The following RMND1 variants were observed in gnomAD, a reference collection of about 807,000 sequenced individuals.
The protein encoded by RMND1 is required for meiotic nuclear division 1 homolog.
RMND1 carries 41 observed loss-of-function variants against 54.0 expected under a neutral mutation model. That is an observed-to-expected ratio of 0.76 (90% CI 0.59 to 0.98). The LOEUF is 0.98. Among genes scored for constraint, RMND1 ranks in the 50% least tolerant of loss-of-function variants. The pLI, the probability that RMND1 is intolerant of heterozygous loss-of-function variation, is 0.00. For missense variants in RMND1, 457 were observed against 532.0 expected (o/e 0.86, Z 1.39); for synonymous variants, 183 against 181.7 (o/e 1.01, Z -0.06).
intron 1 of RMND1, among the ~76,000 whole-genome samples, chr6:151,450,578 G>T (rs1162349231): frequency 2.2e-5 from 3 of 138,748 alleles, no homozygotes; most frequent in Non-Finnish European, 4.6e-5. Context: ...GGAGGGAGGT[G>T]GGGGGGTCAG....
chr6:151,415,610 G>A (rs982183893), intron 10 of RMND1, among the ~76,000 whole-genome samples: 1 of 151,846 alleles, frequency 6.6e-6, no homozygotes, highest in African/African-American at 2.4e-5. Context: ...TAAACACAGT[G>A]AAACCCCATC....
chr6:151,421,287 T>C lies in RMND1; in HGVS notation c.1037A>G (p.His346Arg). Reference protein sequence around the residue: ...LKAGKKVKLSHEEVMQKIGEL... With the variant: ...LKAGKKVKLSREEVMQKIGEL... ...ACCGATTTTCTGCATAACTTCTTCATGAGATAGTTTCACTTTCTTCCCAGC... is the reference window on the plus strand; with the variant it reads ...ACCGATTTTCTGCATAACTTCTTCACGAGATAGTTTCACTTTCTTCCCAGC... Residue 346 changes from histidine to arginine, a missense_variant, in exon 9 of 12, where the codon CAT becomes CGT. By Grantham distance (29) the His-to-Arg change is conservative. Coordinates refer to ENST00000444024, the MANE Select transcript of RMND1 (RefSeq NM_017909.4). The C allele has an allele frequency of 6.2e-7, 1 of 1,612,908 alleles. No individual in the cohort carries two copies. Among genetic ancestry groups the C allele is most frequent in the Admixed American group, 1.7e-5 (1 of 59,900 alleles).
intron 3 of RMND1, among the ~76,000 whole-genome samples, chr6:151,433,940 C>A (rs1315577505): frequency 1.8e-5 from 1 of 56,682 alleles, no homozygotes; most frequent in Admixed American, 1.5e-4. Flanking sequence ...ACTCAAGGGA[C>A]CCCCCCCCGC....
rs1234938532 is a variant in RMND1 at position 151,432,765 on chromosome 6, G to C, written c.689+390C>G. 2.0e-5 allele frequency among the ~76,000 whole-genome samples: 3 copies of C among 151,920 alleles called. No individual in the cohort carries two copies. The East Asian group carries it at 5.8e-4, about 29-fold the overall frequency. On this transcript the variant is annotated intron_variant, in intron 4 of 11. Transcript: ENST00000444024. Reference sequence around the variant, plus strand: ...CTTTAAAGAGCTACCAAAGGGGAAGGGAGAAAAAAAAGAAAATGGCAAGAA... The same window carrying C: ...CTTTAAAGAGCTACCAAAGGGGAAGCGAGAAAAAAAAGAAAATGGCAAGAA...
intron 11 of RMND1, 41 bp from the exon 12 acceptor site, chr6:151,405,308 T>C: frequency 1.3e-6 from 2 of 1,559,630 alleles, no homozygotes; most frequent in African/African-American, 1.4e-5. Flanking sequence ...ACGGGCAAAT[T>C]ATGGGTACAA....
chr6:151,432,936 C>T (rs1471599250), intron 4 of RMND1, among the ~76,000 whole-genome samples: 1 of 152,174 alleles, frequency 6.6e-6, no homozygotes, highest in Admixed American at 6.5e-5. Flanking sequence ...GAAGATCATT[C>T]ACTTGTTTGA....
At chr6:151,440,536 G>A (rs1053857325) in intron 2 of RMND1, among the ~76,000 whole-genome samples, 2 of 152,168 alleles carry the variant, frequency 1.3e-5, no homozygotes, top group Non-Finnish European at 2.9e-5. Flanking sequence ...GCCATCCTAA[G>A]GATCTTTGTT....
At chr6:151,425,701 G>A (rs2114942237) in intron 6 of RMND1, among the ~76,000 whole-genome samples, 2 of 152,288 alleles carry the variant, frequency 1.3e-5, no homozygotes, top group Middle Eastern at 3.4e-3. Context: ...GGCTCAGGCT[G>A]ACTCACAGTC....
At position 151,409,494 on chromosome 6, in the gene RMND1, C is replaced by A. The variant is rs1291265681; in HGVS notation, c.1201-3658G>T. Among the ~76,000 whole-genome samples the A allele has an allele frequency of 3.3e-5, 5 of 152,204 alleles. No individual in the cohort carries two copies. The South Asian group carries it at 6.2e-4, about 19-fold the overall frequency. ...CATTTTCTGGGGTGGGGGGGAATTT[C>A]AAAAGTTTCATTTTGAAATTTTAAT... is the stretch of plus-strand genomic sequence containing the variant. On this transcript the variant is annotated intron_variant, in intron 10 of 11. Coordinates refer to ENST00000444024, the MANE Select transcript of RMND1 (RefSeq NM_017909.4).
chr6:151,436,676 C>T, intron 2 of RMND1, 122 bp from the exon 3 acceptor site: 1 of 847,926 alleles, frequency 1.2e-6, no homozygotes. Context: ...CTTCAAACAT[C>T]TCCAAGGGTG....
At chr6:151,431,049 G>C (rs967213021) in intron 4 of RMND1, among the ~76,000 whole-genome samples, 1 of 152,094 alleles carries the variant, frequency 6.6e-6, no homozygotes, top group Admixed American at 6.6e-5. Flanking sequence ...TGTGTGATCA[G>C]TGCTACAAGA....
chr6:151,406,771 C>G lies in RMND1; in HGVS notation c.1201-935G>C, dbSNP rs117912053. On this transcript the variant is annotated intron_variant, in intron 10 of 11. Coordinates refer to ENST00000444024, the MANE Select transcript of RMND1 (RefSeq NM_017909.4). ...GGTATGCTGAAGTTACAGGTTTGGT[C>G]AGTGAACATTAAGAGATGAATCACA... Among the ~76,000 whole-genome samples, 6 of 152,266 alleles carry G rather than the reference C, an allele frequency of 3.9e-5. No homozygotes were observed. In the East Asian group the frequency reaches 1.2e-3, roughly 29 times the overall value.
At chr6:151,436,408 A>C in intron 3 of RMND1, 38 bp downstream of exon 3, 1 of 1,612,208 alleles carries the variant, frequency 6.2e-7, no homozygotes, top group Non-Finnish European at 8.5e-7. Flanking sequence ...TATCCAATAC[A>C]TTTTAACATA....
chr6:151,412,178 T>C (rs938385797), intron 10 of RMND1, among the ~76,000 whole-genome samples: 7 of 152,176 alleles, frequency 4.6e-5, no homozygotes. Context: ...ATTTTTGTAT[T>C]TTTAGTAGAG....
Position 151,445,822 on chromosome 6 carries a change from C to T in RMND1, c.-11G>A, listed in dbSNP as rs749193248. The T allele has an allele frequency of 1.3e-6, 2 of 1,570,042 alleles. No homozygotes were observed. The highest frequency in any genetic ancestry group is 1.9e-5 in the Admixed American group (1 of 52,764). On this transcript the variant is annotated 5_prime_UTR_variant, in exon 2 of 12. Transcript: ENST00000444024. ...GAGTGTGGCTGGCATTACCACATCC[C>T]AAGCTAAAAGAAAAGGAATTCAAAG...
intron 10 of RMND1, among the ~76,000 whole-genome samples, chr6:151,406,950 A>G (rs1779645845): frequency 6.6e-6 from 1 of 152,090 alleles, no homozygotes; most frequent in Non-Finnish European, 1.5e-5. Context: ...ACTTGAGCTC[A>G]GGAGTTGGAG....
chr6:151,417,816 T>TA (rs201800532), intron 9 of RMND1, among the ~76,000 whole-genome samples: 19,809 of 151,278 alleles, frequency 0.13, 1,425 homozygotes, highest in Middle Eastern at 0.19. Context: ...TTTCAATTTT[T>TA]TTTTTTTTTT....
At chr6:151,418,093 A>G (rs952820145) in intron 9 of RMND1, among the ~76,000 whole-genome samples, 9 of 152,124 alleles carry the variant, frequency 5.9e-5, no homozygotes, top group African/African-American at 1.9e-4. Context: ...GGTGTGAGCC[A>G]CCATTCCCAG....
intron 1 of RMND1, among the ~76,000 whole-genome samples, chr6:151,451,062 T>A (rs2114982032): frequency 6.6e-6 from 1 of 152,246 alleles, no homozygotes; most frequent in East Asian, 1.9e-4. Flanking sequence ...ACACAAACAC[T>A]GCGGAAGGCC....
Sources: allele counts gnomAD v4.1 joint callset (sites outside exome capture counted in the v4.1 genomes callset), GRCh38; gene constraint gnomAD v4.1.1; transcripts MANE v1.5; gene names NCBI Gene and HGNC (gene_info 2026-07-23, HGNC 2026-07-21).